SLC39A10: variants seen among roughly 807,000 people sequenced by gnomAD.
The protein encoded by SLC39A10 is zinc transporter ZIP10.
In SLC39A10, 13 loss-of-function variants were observed where a neutral mutation model predicts 65.1. The ratio of observed to expected loss-of-function variants is 0.20; its 90% CI spans 0.13 to 0.32. SLC39A10 has a LOEUF of 0.32. Among genes scored for constraint, SLC39A10 ranks in the 10% least tolerant of loss-of-function variants. The probability of loss-of-function intolerance (pLI) is 1.00; values close to 1 mark genes in which losing one functional copy is unlikely to be tolerated. For synonymous variants in SLC39A10, 321 were observed against 342.2 expected, an observed-to-expected ratio of 0.94 and a Z score of 0.68; for missense variants, 831 against 1,018.4, an observed-to-expected ratio of 0.82 and a Z score of 2.50.
chr2:195,713,990 C>A (rs1173428978), intron 6 of SLC39A10, among the ~76,000 whole-genome samples: 1 of 151,884 alleles, frequency 6.6e-6, no homozygotes, highest in African/African-American at 2.4e-5. Flanking sequence ...GCAGTAGCGC[C>A]ATCTCGGCTT....
intron 3 of SLC39A10, among the ~76,000 whole-genome samples, chr2:195,685,436 C>A (rs974776735): frequency 6.6e-6 from 1 of 152,070 alleles, no homozygotes; most frequent in Admixed American, 6.6e-5. Context: ...GTTCAGAGCC[C>A]TTTACTTGGC....
At chr2:195,690,320 A>C (rs1690689618) in intron 3 of SLC39A10, among the ~76,000 whole-genome samples, 1 of 152,154 alleles carries the variant, frequency 6.6e-6, no homozygotes, top group Admixed American at 6.5e-5. Flanking sequence ...AGCTAATGTG[A>C]ATAATGTTGC....
At chr2:195,623,278 C>G (rs138773645) in intron 2 of SLC39A10, among the ~76,000 whole-genome samples, 3 of 152,246 alleles carry the variant, frequency 2.0e-5, no homozygotes, top group Admixed American at 2.0e-4. Context: ...ATTTTCATGA[C>G]ATTATTGGTC....
intron 2 of SLC39A10, 26 bp downstream of exon 2, chr2:195,681,076 C>A (rs1690293276): frequency 6.4e-7 from 1 of 1,570,620 alleles, no homozygotes; most frequent in South Asian, 1.2e-5. Flanking sequence ...TGTCCGATAG[C>A]TGCTTCGTAA....
At chr2:195,634,508 A>G (rs1688659475) in intron 2 of SLC39A10, among the ~76,000 whole-genome samples, 1 of 152,166 alleles carries the variant, frequency 6.6e-6, no homozygotes, top group Non-Finnish European at 1.5e-5. Context: ...AATGACTTGT[A>G]ATAATTTTAT....
intron 2 of SLC39A10, among the ~76,000 whole-genome samples, chr2:195,682,464 T>G (rs1196535762): frequency 6.6e-6 from 1 of 151,980 alleles, no homozygotes; most frequent in Admixed American, 6.6e-5. Flanking sequence ...TTTCAAAAAT[T>G]TATTTTTTGT....
chr2:195,644,636 T>C (rs1688875125), intron 2 of SLC39A10, among the ~76,000 whole-genome samples: 1 of 151,506 alleles, frequency 6.6e-6, no homozygotes, highest in Admixed American at 6.6e-5. Flanking sequence ...CACAGGCCCC[T>C]CAACTAAAAA....
At chr2:195,648,313 A>G (rs1304823016) in intron 2 of SLC39A10, among the ~76,000 whole-genome samples, 2 of 152,034 alleles carry the variant, frequency 1.3e-5, no homozygotes, top group African/African-American at 4.8e-5. Context: ...GGCTTCTTAT[A>G]TCAAGACTGT....
At chr2:195,707,211 G>T (rs1691435808) in intron 4 of SLC39A10, among the ~76,000 whole-genome samples, 1 of 152,090 alleles carries the variant, frequency 6.6e-6, no homozygotes, top group African/African-American at 2.4e-5. Context: ...ATACATGGGG[G>T]CATTTATCTT....
Position 195,708,798 on chromosome 2 carries a change from T to TCATTGAAC in SLC39A10, c.1530_1537dup (p.His513ProfsTer23). On this transcript the variant is annotated frameshift_variant, in exon 5 of 10. Transcript: ENST00000359634. LOFTEE classifies it high-confidence loss of function. ...CTAGGAGGCATTTACTTGCTATTTA[T>TCATTGAAC]CATTGAACACTGCATTAGAATGTTT... 1 of 1,612,914 alleles carries TCATTGAAC rather than the reference T, an allele frequency of 6.2e-7. No individual in the cohort carries two copies. The highest frequency in any genetic ancestry group is 8.5e-7 in the Non-Finnish European group (1 of 1,179,508).
chr2:195,703,105 AT>A (rs917526056), intron 3 of SLC39A10, among the ~76,000 whole-genome samples: 6 of 152,182 alleles, frequency 3.9e-5, no homozygotes, highest in African/African-American at 1.4e-4. Flanking sequence ...AACTTACTTG[AT>A]TATCAAATTT....
chr2:195,706,765 C>G lies in SLC39A10; in HGVS notation c.1366C>G (p.Leu456Val), dbSNP rs1202641962. 6.4e-7 allele frequency: 1 copy of G among 1,562,790 alleles called. No homozygotes were observed. Among genetic ancestry groups the G allele is most frequent in the African/African-American group, 1.4e-5 (1 of 71,696 alleles). ...TGTAGGAACAATGAGTGGAGACGCCCTTCTTCATCTACTGCCCCATGTAAG... is the reference window on the plus strand; with the variant it reads ...TGTAGGAACAATGAGTGGAGACGCCGTTCTTCATCTACTGCCCCATGTAAG... ...LAVGTMSGDA[L>V]LHLLPHSQGG... is the part of the protein sequence containing the mutation. Residue 456 changes from leucine to valine, a missense_variant, in exon 4 of 10, where the codon CTT becomes GTT. By Grantham distance (32) the Leu-to-Val change is conservative. This residue lies in a region of SLC39A10 where 35 missense variants were observed against 72.4 expected (regional missense o/e 0.48). Transcript: ENST00000359634.
In SLC39A10 at chr2:195,731,303, A is replaced by G. The variant is rs556711128; in HGVS notation, c.2337+2954A>G. Among the ~76,000 whole-genome samples the G allele has an allele frequency of 3.3e-5, 5 of 152,258 alleles. No individual in the cohort carries two copies. The South Asian group carries it at 1.0e-3, about 32-fold the overall frequency. ...CACTTGCTGATCACCCCTCCGGAAT[A>G]GTTTTCCTGCAGACGTCCTCATGGC... On this transcript the variant is annotated intron_variant, in intron 9 of 9. Transcript: ENST00000359634.
intron 3 of SLC39A10, among the ~76,000 whole-genome samples, chr2:195,684,497 C>T (rs1201554841): frequency 6.6e-6 from 1 of 152,048 alleles, no homozygotes; most frequent in Non-Finnish European, 1.5e-5. Context: ...TCACAGGTAC[C>T]TCCCACTTAA....
chr2:195,693,760 C>A (rs1690834484), intron 3 of SLC39A10, among the ~76,000 whole-genome samples: 1 of 152,044 alleles, frequency 6.6e-6, no homozygotes. Context: ...CTTTTTGTTT[C>A]ATTTATCTTT....
chr2:195,647,119 C>T (rs1056399798), intron 2 of SLC39A10, among the ~76,000 whole-genome samples: 3 of 152,028 alleles, frequency 2.0e-5, no homozygotes, highest in East Asian at 1.9e-4. Context: ...TTGTTCATTT[C>T]GAGGTCAGTT....
chr2:195,719,796 T>G (rs923622629), intron 8 of SLC39A10, among the ~76,000 whole-genome samples: 23 of 151,368 alleles, frequency 1.5e-4, no homozygotes, highest in Admixed American at 3.9e-4. Flanking sequence ...TTTTTGTTTT[T>G]TTTTTTTTTT....
chr2:195,648,229 C>T (rs933210247), intron 2 of SLC39A10, among the ~76,000 whole-genome samples: 1 of 150,622 alleles, frequency 6.6e-6, no homozygotes, highest in Admixed American at 6.6e-5. Flanking sequence ...AACTCCTGGG[C>T]TCAAGCGATC....
chr2:195,619,092 C>CAAAAAA (rs66627464), intron 2 of SLC39A10, among the ~76,000 whole-genome samples: 1 of 69,650 alleles, frequency 1.4e-5, no homozygotes, highest in Non-Finnish European at 2.6e-5. Context: ...GACTCTGTCT[C>CAAAAAA]AAAAAAAAAA....
Sources: gnomAD v4.1 joint callset for allele counts (sites outside exome capture counted in the v4.1 genomes callset) on GRCh38, gnomAD v4.1.1 for gene constraint, gnomAD v4.1.1 regional missense constraint, MANE v1.5 for transcripts, NCBI Gene and HGNC (gene_info 2026-07-23, HGNC 2026-07-21) for gene names.